Variants in VTI1B observed in about 807,000 individuals in gnomAD.
The protein encoded by VTI1B is vesicle transport through interaction with t-SNAREs 1B.
VTI1B carries 18 observed loss-of-function variants against 28.6 expected under a neutral mutation model. That is an observed-to-expected ratio of 0.63 (90% confidence interval 0.43 to 0.93). VTI1B has a LOEUF of 0.93. Ranked by LOEUF, VTI1B falls within the 40% of genes least tolerant of loss-of-function variation. The pLI, the probability that VTI1B is intolerant of heterozygous loss-of-function variation, is 0.00. For synonymous variants in VTI1B, 100 were observed against 107.9 expected (o/e 0.93, Z 0.46); for missense variants, 283 against 297.0 (o/e 0.95, Z 0.35).
At chr14:67,669,287 T>C (rs1180151876) in intron 1 of VTI1B, among the ~76,000 whole-genome samples, 2 of 141,356 alleles carry the variant, frequency 1.4e-5, no homozygotes, top group Non-Finnish European at 3.0e-5. Context: ...TTTTTTTTTT[T>C]GAGACGGAGT....
At chr14:67,659,674 T>G (rs1362468365) in intron 3 of VTI1B, 57 bp downstream of exon 3, 2 of 1,513,222 alleles carry the variant, frequency 1.3e-6, no homozygotes, top group African/African-American at 2.8e-5. Flanking sequence ...TATAGTTAAT[T>G]TTTGTACCAC....
intron 4 of VTI1B, among the ~76,000 whole-genome samples, chr14:67,655,511 A>T (rs1379715938): frequency 2.7e-5 from 4 of 150,536 alleles, no homozygotes; most frequent in African/African-American, 2.4e-5. Context: ...ATCCTTAGAC[A>T]TTTTTTTCCC....
intron 4 of VTI1B, among the ~76,000 whole-genome samples, chr14:67,655,614 C>T (rs956355911): frequency 6.6e-6 from 1 of 151,612 alleles, no homozygotes; most frequent in African/African-American, 2.4e-5. Context: ...AACTGTGGTA[C>T]TATTTTATGA....
chr14:67,647,627 A>G lies in VTI1B; in HGVS notation c.*3758T>C, dbSNP rs1457480052. 1 of 158,178 alleles carries G rather than the reference A, an allele frequency of 6.3e-6. No individual in the cohort carries two copies. Among genetic ancestry groups the G allele is most frequent in the Non-Finnish European group, 1.4e-5 (1 of 72,298 alleles). The allele number at this position is 158,178 out of a possible 1,614,324, so 9.8% of individuals were successfully genotyped here. A position where few individuals can be genotyped will look rare whatever the true frequency, so the allele number is the denominator to read the frequency against. On this transcript the variant is annotated 3_prime_UTR_variant, in exon 6 of 6. Coordinates refer to ENST00000554659, the MANE Select transcript of VTI1B (RefSeq NM_006370.3). ...CTTCAGCTGCTGTTACGTTCAGAGA[A>G]TAAGAGCAACCATAACTTACATCAA...
rs1166726910 is a variant in VTI1B, at chr14:67,650,559, G to C, written c.*826C>G. 3.6e-6 allele frequency: 2 copies of C among 549,804 alleles called. No homozygotes were observed. Among genetic ancestry groups the C allele is most frequent in the Non-Finnish European group, 3.0e-6 (1 of 330,620 alleles). The allele number at this position is 549,804 out of a possible 1,614,324, so 34.1% of individuals were successfully genotyped here. On this transcript the variant is annotated 3_prime_UTR_variant, in exon 6 of 6. Transcript: ENST00000554659. The stretch of plus-strand genomic sequence containing the variant: ...TTTTAACTTAAATTCATGGCCAAGA[G>C]GATGAGGTGCAAGGGGCTTCCTAAA...
At chr14:67,656,374 A>T (rs375849088) in intron 4 of VTI1B, 42 bp downstream of exon 4, 14 of 1,495,944 alleles carry the variant, frequency 9.4e-6, no homozygotes, top group Admixed American at 4.0e-5. Flanking sequence ...TGGCCCCCTA[A>T]TTACCCCATA....
chr14:67,673,113 A>G (rs146928927), intron 1 of VTI1B, among the ~76,000 whole-genome samples: 2 of 152,160 alleles, frequency 1.3e-5, no homozygotes, highest in Admixed American at 1.3e-4. Context: ...AGTCCCAAAG[A>G]AGGCGGATCA....
chr14:67,659,303 C>A (rs185038112), intron 3 of VTI1B, among the ~76,000 whole-genome samples: 17 of 152,196 alleles, frequency 1.1e-4, no homozygotes, highest in Admixed American at 1.1e-3. Context: ...TAACAATATT[C>A]TGATAAATTA....
rs2037144989 is a variant in VTI1B, at chr14:67,649,503, A to ATAAG, written c.*1878_*1881dup. ...TATAGGGTGGCAATAGTCTGGAAAC[A>ATAAG]TAAGTCATGTATATATTTCTAATAG... On this transcript the variant is annotated 3_prime_UTR_variant, in exon 6 of 6. Transcript: ENST00000554659. 6.6e-6 allele frequency: 1 copy of ATAAG among 152,208 alleles called. No individual in the cohort carries two copies. The highest frequency in any genetic ancestry group is 2.1e-4 in the South Asian group (1 of 4,830). 9.4% of individuals were successfully genotyped at this position (152,208 alleles called of 1,614,324 possible). A position where few individuals can be genotyped will look rare whatever the true frequency, so the allele number is the denominator to read the frequency against.
chr14:67,651,022 T>C lies in VTI1B; in HGVS notation c.*363A>G. 1 of 1,205,270 alleles carries C rather than the reference T, an allele frequency of 8.3e-7. No homozygotes were observed. The highest frequency in any genetic ancestry group is 2.0e-5 in the Admixed American group (1 of 50,092). 74.7% of individuals were successfully genotyped at this position (1,205,270 alleles called of 1,614,324 possible). A position where few individuals can be genotyped will look rare whatever the true frequency, so the allele number is the denominator to read the frequency against. On this transcript the variant is annotated 3_prime_UTR_variant, in exon 6 of 6. Transcript: ENST00000554659. ...ATGGTTGTCTGGGTCAATACTGCCTTAATGAGAACATTTACACATTCTCAC... is the reference window on the plus strand; with the variant it reads ...ATGGTTGTCTGGGTCAATACTGCCTCAATGAGAACATTTACACATTCTCAC...
chr14:67,663,627 T>C (rs1322537628), intron 1 of VTI1B, among the ~76,000 whole-genome samples: 1 of 152,140 alleles, frequency 6.6e-6, no homozygotes, highest in Non-Finnish European at 1.5e-5. Context: ...TGAGCCAAGA[T>C]TGTGCCACTG....
intron 2 of VTI1B, among the ~76,000 whole-genome samples, chr14:67,661,726 G>T (rs1400881170): frequency 6.6e-6 from 1 of 151,552 alleles, no homozygotes; most frequent in Non-Finnish European, 1.5e-5. Context: ...GAGATGGGGG[G>T]TCTCCCTATG....
chr14:67,658,342 C>T (rs1433683813), intron 3 of VTI1B, among the ~76,000 whole-genome samples: 2 of 152,084 alleles, frequency 1.3e-5, no homozygotes, highest in African/African-American at 4.8e-5. Flanking sequence ...TGCCTGTAAT[C>T]CCAGCACTTT....
intron 1 of VTI1B, among the ~76,000 whole-genome samples, chr14:67,669,606 G>A (rs902143616): frequency 2.6e-5 from 4 of 152,032 alleles, no homozygotes; most frequent in African/African-American, 9.7e-5. Flanking sequence ...GAAACATTTT[G>A]TAAGGCTATA....
In VTI1B at chr14:67,648,159, A is replaced by G; in HGVS notation, c.*3226T>C. On this transcript the variant is annotated 3_prime_UTR_variant, in exon 6 of 6. Transcript: ENST00000554659. The stretch of plus-strand genomic sequence containing the variant: ...ACTAACCTATCGAGAAGGCATGTAT[A>G]TTGCTGAGGAAATACACAATACAGG... The G allele has an allele frequency of 6.2e-7, 1 of 1,613,984 alleles. No homozygotes were observed. The highest frequency in any genetic ancestry group is 8.5e-7 in the Non-Finnish European group (1 of 1,179,896).
chr14:67,657,773 C>G (rs149299591), intron 3 of VTI1B, among the ~76,000 whole-genome samples: 5 of 144,792 alleles, frequency 3.5e-5, no homozygotes, highest in African/African-American at 1.0e-4. Context: ...TTTTTTGAGA[C>G]AGTCTCGCTC....
intron 1 of VTI1B, among the ~76,000 whole-genome samples, chr14:67,670,785 CAA>C (rs1397240470): frequency 6.6e-6 from 1 of 152,108 alleles, no homozygotes; most frequent in African/African-American, 2.4e-5. Flanking sequence ...CTAGGCCTCC[CAA>C]AGTGATGGGA....
In VTI1B at chr14:67,649,752, G is replaced by A. The variant is rs1379417239; in HGVS notation, c.*1633C>T. The A allele has an allele frequency of 6.6e-6, 1 of 152,192 alleles. No homozygotes were observed. The highest frequency in any genetic ancestry group is 1.5e-5 in the Non-Finnish European group (1 of 68,038). The allele number at this position is 152,192 out of a possible 1,614,324, so 9.4% of individuals were successfully genotyped here. On this transcript the variant is annotated 3_prime_UTR_variant, in exon 6 of 6. Coordinates refer to ENST00000554659, the MANE Select transcript of VTI1B (RefSeq NM_006370.3). ...CATTCAGCACATCATGTACTATAGTGTAATATCAATAAACCATTAGGTACA... is the reference window on the plus strand; with the variant it reads ...CATTCAGCACATCATGTACTATAGTATAATATCAATAAACCATTAGGTACA...
chr14:67,653,621 A>G, intron 4 of VTI1B, 123 bp from the exon 5 acceptor site: 1 of 779,334 alleles, frequency 1.3e-6, no homozygotes, highest in Non-Finnish European at 2.1e-6. Flanking sequence ...AATCAAGCCA[A>G]TTTAAATGAT....
Sources: allele counts gnomAD v4.1 joint callset (sites outside exome capture counted in the v4.1 genomes callset), GRCh38; gene constraint gnomAD v4.1.1; transcripts MANE v1.5; gene names NCBI Gene and HGNC (gene_info 2026-07-23, HGNC 2026-07-21).